Variants in FMN2 observed in about 807,000 individuals in gnomAD.
The protein encoded by FMN2 is formin-2.
FMN2 carries 51 observed loss-of-function variants against 142.3 expected under a neutral mutation model. The observed-to-expected ratio is 0.36, with a 90% CI of 0.29 to 0.45. The LOEUF (loss-of-function observed/expected upper bound fraction) is 0.45, where lower values mean the gene tolerates loss of function less well. FMN2 is among the 20% of genes least tolerant of loss of function. FMN2 has a pLI of 1.00. For synonymous variants in FMN2, 882 were observed against 869.8 expected (o/e 1.01, Z -0.25); for missense variants, 1,936 against 2,122.8 (o/e 0.91, Z 1.73).
chr1:240,164,654 A>G (rs1392391416), intron 2 of FMN2, among the ~76,000 whole-genome samples: 3 of 152,176 alleles, frequency 2.0e-5, no homozygotes, highest in South Asian at 2.1e-4. Context: ...TCATTACACT[A>G]TCTTCTAGCT....
chr1:240,464,376 T>C (rs1676545363), intron 16 of FMN2, among the ~76,000 whole-genome samples: 1 of 152,144 alleles, frequency 6.6e-6, no homozygotes, highest in Non-Finnish European at 1.5e-5. Context: ...AGGGAATTAA[T>C]TTGATTGGTC....
intron 1 of FMN2, among the ~76,000 whole-genome samples, chr1:240,112,045 G>A (rs757885303): frequency 7.9e-5 from 12 of 152,034 alleles, no homozygotes; most frequent in Admixed American, 2.6e-4. Flanking sequence ...TATATAATAT[G>A]TAATATGTGT....
Position 240,346,180 on chromosome 1 carries a change from C to T in FMN2, c.4766-9636C>T, listed in dbSNP as rs192445671. Among the ~76,000 whole-genome samples the T allele has an allele frequency of 2.6e-3, 401 of 152,026 alleles. 3 individuals are homozygous for T. The highest frequency in any genetic ancestry group is 8.8e-3 in the African/African-American group (365 of 41,456). On this transcript the variant is annotated intron_variant, in intron 13 of 17. Coordinates refer to ENST00000319653, the MANE Select transcript of FMN2 (RefSeq NM_020066.5). The stretch of plus-strand genomic sequence containing the variant: ...GACCCCCAATGAATGCCTCAAGCCA[C>T]GGATAGTACCAAACTCTATATGTAC...
chr1:240,372,892 A>T (rs2103071408), intron 14 of FMN2, among the ~76,000 whole-genome samples: 2 of 152,332 alleles, frequency 1.3e-5, no homozygotes, highest in East Asian at 3.9e-4. Flanking sequence ...TATATTTAAA[A>T]ATGCTAACAA....
intron 15 of FMN2, among the ~76,000 whole-genome samples, chr1:240,412,338 C>T (rs887928542): frequency 1.1e-4 from 16 of 151,876 alleles, no homozygotes; most frequent in South Asian, 2.1e-4. Context: ...TGTATTGCAA[C>T]GGACTGAAGA....
At chr1:240,135,006 G>A (rs1318623936) in intron 2 of FMN2, among the ~76,000 whole-genome samples, 2 of 152,144 alleles carry the variant, frequency 1.3e-5, no homozygotes, top group East Asian at 1.9e-4. Flanking sequence ...CTTTCCCTAG[G>A]TCAGTCTGTG....
intron 6 of FMN2, among the ~76,000 whole-genome samples, chr1:240,222,496 T>G (rs1202505115): frequency 7.2e-6 from 1 of 139,186 alleles, no homozygotes; most frequent in Admixed American, 6.9e-5. Flanking sequence ...CTATATGAAA[T>G]TTAAAGTAGT....
At chr1:240,143,395 C>T in intron 2 of FMN2, 7 of 1,430,568 alleles carry the variant, frequency 4.9e-6, no homozygotes, top group Non-Finnish European at 5.9e-6. Flanking sequence ...ACCAATCTCC[C>T]CCACAGCAAT....
intron 6 of FMN2, among the ~76,000 whole-genome samples, chr1:240,217,813 A>C (rs1666960952): frequency 6.6e-6 from 1 of 152,210 alleles, no homozygotes; most frequent in East Asian, 1.9e-4. Flanking sequence ...AAATAAAAAA[A>C]AAAACACGAA....
chr1:240,158,483 CT>C (rs1664128094), intron 2 of FMN2, among the ~76,000 whole-genome samples: 2 of 152,152 alleles, frequency 1.3e-5, no homozygotes, highest in African/African-American at 2.4e-5. Context: ...GTCATTTAGA[CT>C]TCAGTTAATT....
rs1273160032 is a variant in FMN2 at position 240,361,132 on chromosome 1, AATATATGTGTATATATATATATAT to A, written c.4858+5231_4858+5254del. ...ACTTAAAGTATAATAATAATAAATA[AATATATGTGTATATATATATATAT>A]ATATATATATATATATATATATATA... On this transcript the variant is annotated intron_variant, in intron 14 of 17. Coordinates refer to ENST00000319653, the MANE Select transcript of FMN2 (RefSeq NM_020066.5). 5.9e-3 allele frequency among the ~76,000 whole-genome samples: 212 copies of A among 35,734 alleles called. 2 individuals are homozygous for A. Among genetic ancestry groups the A allele is most frequent in the African/African-American group, 0.011 (197 of 18,732 alleles). The allele number at this position is 35,734 out of a possible 152,430, so 23.4% of individuals were successfully genotyped here.
intron 6 of FMN2, among the ~76,000 whole-genome samples, chr1:240,246,171 C>T (rs1049725897): frequency 6.6e-6 from 1 of 150,940 alleles, no homozygotes; most frequent in Admixed American, 6.6e-5. Context: ...CAGAGCGAGA[C>T]TCCCTCTCAA....
intron 3 of FMN2, chr1:240,180,093 T>C (rs1221263922): frequency 2.2e-6 from 2 of 909,062 alleles, no homozygotes; most frequent in Non-Finnish European, 3.1e-6. Context: ...CATGATTTGA[T>C]GTAGCTTGCA....
At chr1:240,269,807 T>C (rs551762750) in intron 7 of FMN2, among the ~76,000 whole-genome samples, 1 of 152,138 alleles carries the variant, frequency 6.6e-6, no homozygotes, top group South Asian at 2.1e-4. Context: ...CTATTATAAA[T>C]GGAACTGTTT....
chr1:240,187,674 G>A (rs1665538234), intron 3 of FMN2, among the ~76,000 whole-genome samples: 1 of 152,134 alleles, frequency 6.6e-6, no homozygotes, highest in African/African-American at 2.4e-5. Flanking sequence ...TGAATTTGCA[G>A]TCTCATAGAA....
At position 240,092,018 on chromosome 1, in the gene FMN2, C is replaced by T; in HGVS notation, c.-92C>T. ...CTCCCCCCGCCGCCGCCTGACTCTCCCGGGAGACTCCCTAGGCCCGGACCT... is the reference window on the plus strand; with the variant it reads ...CTCCCCCCGCCGCCGCCTGACTCTCTCGGGAGACTCCCTAGGCCCGGACCT... On this transcript the variant is annotated 5_prime_UTR_variant, in exon 1 of 18. Coordinates refer to ENST00000319653, the MANE Select transcript of FMN2 (RefSeq NM_020066.5). The T allele has an allele frequency of 7.0e-7, 1 of 1,435,264 alleles. No homozygotes were observed. Among genetic ancestry groups the T allele is most frequent in the Non-Finnish European group, 9.1e-7 (1 of 1,104,790 alleles). 88.9% of individuals were successfully genotyped at this position (1,435,264 alleles called of 1,614,324 possible).
chr1:240,248,458 T>TATATATATATATATAA (rs913505236), intron 6 of FMN2, among the ~76,000 whole-genome samples: 2 of 133,558 alleles, frequency 1.5e-5, no homozygotes, highest in African/African-American at 5.6e-5. Context: ...TATATATATA[T>TATATATATATATATAA]AACATACATG....
At chr1:240,199,350 T>C (rs1416946541) in intron 4 of FMN2, among the ~76,000 whole-genome samples, 1 of 152,230 alleles carries the variant, frequency 6.6e-6, no homozygotes, top group Non-Finnish European at 1.5e-5. Flanking sequence ...TTCTAGGCTT[T>C]AAAAGTATCC....
Position 240,333,973 on chromosome 1 carries a change from AT to A in FMN2, c.4644+29del. The A allele has an allele frequency of 1.9e-6, 3 of 1,588,416 alleles. No individual in the cohort carries two copies. In the South Asian group the frequency reaches 3.5e-5, roughly 18 times the overall value. ...TAAGACAATTTTTACATATAGTCATATTCCATTATTCTTTATTCGTTGGATG... is the reference window on the plus strand; with the variant it reads ...TAAGACAATTTTTACATATAGTCATATCCATTATTCTTTATTCGTTGGATG... On this transcript the variant is annotated intron_variant, in intron 12 of 17. Coordinates refer to ENST00000319653, the MANE Select transcript of FMN2 (RefSeq NM_020066.5).
Sources: allele counts gnomAD v4.1 joint callset (sites outside exome capture counted in the v4.1 genomes callset), GRCh38; gene constraint gnomAD v4.1.1; transcripts MANE v1.5; gene names NCBI Gene and HGNC (gene_info 2026-07-23, HGNC 2026-07-21).